Variants in CTDSPL2 observed in about 807,000 individuals in gnomAD.
The protein encoded by CTDSPL2 is CTD small phosphatase like 2, also known as CTD small phosphatase-like protein 2.
In CTDSPL2, 5 loss-of-function variants were observed where a neutral mutation model predicts 60.0. The ratio of observed to expected loss-of-function variants is 0.08; its 90% CI spans 0.04 to 0.18. The LOEUF (loss-of-function observed/expected upper bound fraction) is 0.18. CTDSPL2 is among the 10% of genes least tolerant of loss of function. CTDSPL2 has a pLI of 1.00. For missense variants in CTDSPL2, 370 were observed against 548.8 expected (o/e 0.67, Z 3.26); for synonymous variants, 186 against 189.3 (o/e 0.98, Z 0.14).
intron 1 of CTDSPL2, among the ~76,000 whole-genome samples, chr15:44,430,851 C>T (rs576218116): frequency 6.0e-5 from 9 of 151,136 alleles, no homozygotes; most frequent in East Asian, 3.9e-4. Flanking sequence ...GACGGAGTTT[C>T]GCTCTTATTG....
At chr15:44,429,888 A>G (rs541073788) in intron 1 of CTDSPL2, among the ~76,000 whole-genome samples, 4 of 152,310 alleles carry the variant, frequency 2.6e-5, no homozygotes, top group East Asian at 3.9e-4. Context: ...TGTAAAAGCT[A>G]TAAATGATGT....
chr15:44,472,672 C>T (rs1211381212), intron 2 of CTDSPL2, among the ~76,000 whole-genome samples: 1 of 151,444 alleles, frequency 6.6e-6, no homozygotes, highest in East Asian at 1.9e-4. Flanking sequence ...TAATTTCTTT[C>T]CCCACTTTTT....
intron 2 of CTDSPL2, among the ~76,000 whole-genome samples, chr15:44,476,810 T>C (rs2080926121): frequency 6.6e-6 from 1 of 152,198 alleles, no homozygotes; most frequent in African/African-American, 2.4e-5. Context: ...AGTTGTTATG[T>C]GATGCATTAC....
At chr15:44,451,299 G>T (rs534101261) in intron 1 of CTDSPL2, among the ~76,000 whole-genome samples, 1 of 151,962 alleles carries the variant, frequency 6.6e-6, no homozygotes, top group African/African-American at 2.4e-5. Flanking sequence ...TAGAGACTGG[G>T]GAGTCTCCCT....
At chr15:44,436,305 A>AATAACATTTGT (rs1183055113) in intron 1 of CTDSPL2, among the ~76,000 whole-genome samples, 6 of 152,228 alleles carry the variant, frequency 3.9e-5, no homozygotes, top group Admixed American at 3.9e-4. Flanking sequence ...CATCTAGTCC[A>AATAACATTTGT]ATAACATTTG....
chr15:44,515,231 A>T (rs1399164372), intron 10 of CTDSPL2, among the ~76,000 whole-genome samples: 1 of 152,232 alleles, frequency 6.6e-6, no homozygotes, highest in Non-Finnish European at 1.5e-5. Flanking sequence ...TTATTTTTTA[A>T]CAGAAAGGAT....
chr15:44,485,775 A>C (rs148537422), intron 3 of CTDSPL2, among the ~76,000 whole-genome samples: 1 of 152,302 alleles, frequency 6.6e-6, no homozygotes, highest in Non-Finnish European at 1.5e-5. Context: ...CAGTGCAGCA[A>C]TATATCTTTA....
At chr15:44,431,442 C>T (rs2079855165) in intron 1 of CTDSPL2, among the ~76,000 whole-genome samples, 2 of 152,178 alleles carry the variant, frequency 1.3e-5, no homozygotes, top group African/African-American at 4.8e-5. Context: ...ATTGGACGTG[C>T]ATTACAAATA....
At chr15:44,434,231 C>G (rs1361716037) in intron 1 of CTDSPL2, among the ~76,000 whole-genome samples, 1 of 151,938 alleles carries the variant, frequency 6.6e-6, no homozygotes, top group African/African-American at 2.4e-5. Context: ...GAAACCCCAT[C>G]TCTACTAAAA....
chr15:44,500,471 A>G (rs914700602), intron 8 of CTDSPL2, among the ~76,000 whole-genome samples: 5 of 152,238 alleles, frequency 3.3e-5, no homozygotes, highest in Non-Finnish European at 5.9e-5. Flanking sequence ...ATATAAGTGA[A>G]TACACTTTGA....
intron 1 of CTDSPL2, among the ~76,000 whole-genome samples, chr15:44,442,694 G>T (rs979477127): frequency 6.6e-6 from 1 of 151,876 alleles, no homozygotes; most frequent in African/African-American, 2.4e-5. Context: ...AAAAAAATAG[G>T]GCCAGGCATG....
rs529539339 is a variant in CTDSPL2 at position 44,453,957 on chromosome 15, G to C, written c.-24-5034G>C. 4.6e-5 allele frequency among the ~76,000 whole-genome samples: 7 copies of C among 152,206 alleles called. No homozygotes were observed. In the East Asian group the frequency reaches 1.4e-3, roughly 29 times the overall value. Reference sequence around the variant, plus strand: ...TATTTACCCAGTAATGGGATAGCTGGGTCAAATGGTATTTCTAGTTCTAGA... The same window carrying C: ...TATTTACCCAGTAATGGGATAGCTGCGTCAAATGGTATTTCTAGTTCTAGA... On this transcript the variant is annotated intron_variant, in intron 1 of 12. Coordinates refer to ENST00000260327, the MANE Select transcript of CTDSPL2 (RefSeq NM_016396.3).
intron 8 of CTDSPL2, chr15:44,501,837 C>T: frequency 2.9e-6 from 1 of 342,036 alleles, no homozygotes; most frequent in Non-Finnish European, 5.7e-6. Flanking sequence ...CCTTGGATTT[C>T]TTATTTTGGC....
chr15:44,443,164 A>G (rs2080127456), intron 1 of CTDSPL2, among the ~76,000 whole-genome samples: 1 of 152,214 alleles, frequency 6.6e-6, no homozygotes, highest in Non-Finnish European at 1.5e-5. Context: ...TGTCTCCAGA[A>G]CTTTTTCATC....
At chr15:44,505,735 C>CAAA (rs34005065) in intron 8 of CTDSPL2, among the ~76,000 whole-genome samples, 235 of 73,946 alleles carry the variant, frequency 3.2e-3, no homozygotes, top group African/African-American at 0.011. Flanking sequence ...CTCTGTCTCC[C>CAAA]AAAAAAAAAA....
intron 8 of CTDSPL2, among the ~76,000 whole-genome samples, chr15:44,510,593 AT>A (rs1353675419): frequency 6.6e-6 from 1 of 152,186 alleles, no homozygotes; most frequent in African/African-American, 2.4e-5. Context: ...AGATTACATA[AT>A]TTTGAAGAGC....
intron 8 of CTDSPL2, among the ~76,000 whole-genome samples, chr15:44,501,139 T>C (rs2081375719): frequency 6.6e-6 from 1 of 152,152 alleles, no homozygotes; most frequent in Non-Finnish European, 1.5e-5. Flanking sequence ...TTTTCTCTTT[T>C]AAGCTCGATA....
rs2081906178 is a variant in CTDSPL2, at chr15:44,528,806, C to A, written c.*4632C>A. 6.6e-6 allele frequency: 1 copy of A among 152,064 alleles called. No individual in the cohort carries two copies. The highest frequency in any genetic ancestry group is 2.4e-5 in the African/African-American group (1 of 41,406). 9.4% of individuals were successfully genotyped at this position (152,064 alleles called of 1,614,324 possible). On this transcript the variant is annotated 3_prime_UTR_variant, in exon 13 of 13. Transcript: ENST00000260327. ...TCTTTTGAAATGGGATTTTTCAAGG[C>A]AGTGTCCTTTTGGCATTAAGGTAGG... is the stretch of plus-strand genomic sequence containing the variant.
intron 2 of CTDSPL2, among the ~76,000 whole-genome samples, chr15:44,461,399 T>C (rs905647217): frequency 6.6e-6 from 1 of 151,186 alleles, no homozygotes; most frequent in Non-Finnish European, 1.5e-5. Context: ...TGTATTCTAA[T>C]TTTTTTTTAG....
Sources: gnomAD v4.1 joint callset for allele counts (sites outside exome capture counted in the v4.1 genomes callset) on GRCh38, gnomAD v4.1.1 for gene constraint, MANE v1.5 for transcripts, NCBI Gene and HGNC (gene_info 2026-07-23, HGNC 2026-07-21) for gene names.